The following ASCC3 variants were observed in gnomAD, a reference collection of about 807,000 sequenced individuals.
The protein encoded by ASCC3 is activating signal cointegrator 1 complex subunit 3, also known as ASC-1 complex subunit P200.
ASCC3 carries 158 observed loss-of-function variants against 256.3 expected under a neutral mutation model. That is an observed-to-expected ratio of 0.62 (90% CI 0.54 to 0.70). The LOEUF (loss-of-function observed/expected upper bound fraction) is 0.70, where lower values mean the gene tolerates loss of function less well. ASCC3 is among the 30% of genes least tolerant of loss of function. The pLI is 0.00. For synonymous variants in ASCC3, 948 were observed against 883.4 expected (o/e 1.07, Z -1.30); for missense variants, 2,259 against 2,626.0 (o/e 0.86, Z 3.05).
intron 36 of ASCC3, among the ~76,000 whole-genome samples, chr6:100,585,154 G>A (rs1022939833): frequency 1.3e-5 from 2 of 152,114 alleles, no homozygotes; most frequent in Non-Finnish European, 2.9e-5. Context: ...AAGTTCTCCT[G>A]GATAATATCC....
In ASCC3 at chr6:100,800,445, T is replaced by C. The variant is rs376498113; in HGVS notation, c.982A>G (p.Ile328Val). 1.1e-5 allele frequency: 18 copies of C among 1,612,548 alleles called. No individual in the cohort carries two copies. In the African/African-American group the frequency reaches 2.3e-4, roughly 20 times the overall value. Residue 328 changes from isoleucine to valine, a missense_variant, in exon 6 of 42, where the codon ATT (isoleucine) becomes GTT (valine). By Grantham distance (29) the Ile-to-Val change is conservative. Around this residue, in one of 2 missense-constraint regions of ASCC3, gnomAD observed 420 missense variants for 419.3 expected, o/e 1.00. Transcript: ENST00000369162. ...AKPNYGCQVT[I>V]QSEQEKQLMK... The stretch of plus-strand genomic sequence containing the variant: ...AACTGCTTTTCTTGTTCAGACTGAA[T>C]AGTGACTTGACAACCATAATTGGGT...
chr6:100,767,418 C>A (rs1300928169), intron 8 of ASCC3, 73 bp from the exon 9 acceptor site: 23 of 1,416,042 alleles, frequency 1.6e-5, no homozygotes, highest in Non-Finnish European at 2.1e-5. Context: ...TATGTGTTAA[C>A]ATTTATTTCC....
chr6:100,703,968 T>C (rs1255769881), intron 13 of ASCC3, among the ~76,000 whole-genome samples: 5 of 151,478 alleles, frequency 3.3e-5, no homozygotes, highest in Non-Finnish European at 7.4e-5. Context: ...ATCTTATATA[T>C]AGGAAAGTTT....
intron 25 of ASCC3, among the ~76,000 whole-genome samples, chr6:100,636,430 C>G (rs1047189300): frequency 6.6e-6 from 1 of 152,146 alleles, no homozygotes; most frequent in African/African-American, 2.4e-5. Context: ...GCCATTCCCC[C>G]ATCTCTTTCC....
At chr6:100,721,590 A>C (rs1330646805) in intron 11 of ASCC3, among the ~76,000 whole-genome samples, 1 of 151,702 alleles carries the variant, frequency 6.6e-6, no homozygotes, top group Non-Finnish European at 1.5e-5. Context: ...GATTTTAAAA[A>C]TTGCTCTTAA....
chr6:100,785,471 G>A (rs1036951380), intron 8 of ASCC3, among the ~76,000 whole-genome samples: 5 of 152,002 alleles, frequency 3.3e-5, no homozygotes, highest in African/African-American at 9.7e-5. Flanking sequence ...CATGATCATC[G>A]GCTCACTGCA....
At chr6:100,672,272 T>C (rs1776791463) in intron 14 of ASCC3, among the ~76,000 whole-genome samples, 1 of 152,096 alleles carries the variant, frequency 6.6e-6, no homozygotes, top group Admixed American at 6.6e-5. Flanking sequence ...CGTAAAGGGA[T>C]GACTACTTTT....
chr6:100,716,454 C>T (rs374078455), intron 12 of ASCC3, among the ~76,000 whole-genome samples: 24 of 151,966 alleles, frequency 1.6e-4, no homozygotes, highest in African/African-American at 5.1e-4. Context: ...GGATGAAAAG[C>T]ATCATGTACA....
intron 17 of ASCC3, among the ~76,000 whole-genome samples, chr6:100,653,183 T>C (rs1775753805): frequency 6.6e-6 from 1 of 152,172 alleles, no homozygotes; most frequent in Admixed American, 6.5e-5. Flanking sequence ...ATCACAAAGA[T>C]TAAAAATCAA....
intron 14 of ASCC3, among the ~76,000 whole-genome samples, chr6:100,664,036 CAGA>C (rs1189789556): frequency 2.0e-5 from 3 of 152,052 alleles, no homozygotes; most frequent in Admixed American, 6.6e-5. Context: ...AGTGCTGTAG[CAGA>C]AGGTCTTAAA....
rs774539272 is a variant in ASCC3, at chr6:100,650,654, T to A, written c.3136A>T (p.Thr1046Ser). The A allele has an allele frequency of 5.6e-6, 9 of 1,612,434 alleles. No homozygotes were observed. In the East Asian group the frequency reaches 2.0e-4, roughly 36 times the overall value. ...TAACTATTCTCTACACCTCCAGGAG[T>A]GGAGAGTTCACAAAAATTGCTTAAT... is the stretch of plus-strand genomic sequence containing the variant. ...TLLSNFCELS[T>S]PGGVENSYGK... Residue 1046 changes from threonine to serine, a missense_variant, in exon 20 of 42, where the codon ACT (threonine) becomes TCT (serine). By Grantham distance (58) the Thr-to-Ser change is moderately conservative (BLOSUM62 1). Around this residue, in one of 2 missense-constraint regions of ASCC3, gnomAD observed 1,839 missense variants for 2,206.7 expected, o/e 0.83. Transcript: ENST00000369162.
rs772530141 is a variant in ASCC3 at position 100,748,456 on chromosome 6, T to G, written c.1737+18109A>C. On this transcript the variant is annotated intron_variant, in intron 10 of 41. Coordinates refer to ENST00000369162, the MANE Select transcript of ASCC3 (RefSeq NM_006828.4). ...AGTAAAACAAGATACTGTTTTTGAA[T>G]ATTTTAGTCTTCTATAACTTGATGA... Among the ~76,000 whole-genome samples the G allele has an allele frequency of 3.0e-4, 45 of 152,078 alleles. 1 individual carries two copies. Among genetic ancestry groups the G allele is most frequent in the Non-Finnish European group, 2.1e-4 (14 of 67,940 alleles).
At chr6:100,717,439 T>A (rs956117255) in intron 12 of ASCC3, among the ~76,000 whole-genome samples, 2 of 152,018 alleles carry the variant, frequency 1.3e-5, no homozygotes, top group Admixed American at 6.6e-5. Flanking sequence ...AGGATGATAA[T>A]TGTTTAAATT....
At chr6:100,843,917 A>C (rs1378556787) in intron 4 of ASCC3, among the ~76,000 whole-genome samples, 1 of 151,906 alleles carries the variant, frequency 6.6e-6, no homozygotes, top group Non-Finnish European at 1.5e-5. Context: ...TATATGGTGC[A>C]AACACTTGAG....
chr6:100,606,599 G>A, intron 32 of ASCC3, 141 bp downstream of exon 32: 1 of 924,944 alleles, frequency 1.1e-6, no homozygotes, highest in East Asian at 2.7e-5. Flanking sequence ...AAAACAAAAA[G>A]TCTATAATTG....
chr6:100,581,414 A>G (rs1771251784), intron 36 of ASCC3, among the ~76,000 whole-genome samples: 1 of 151,764 alleles, frequency 6.6e-6, no homozygotes, highest in Non-Finnish European at 1.5e-5. Flanking sequence ...TCCTTCACCC[A>G]CTTTTTGATG....
intron 3 of ASCC3, chr6:100,859,022 A>C (rs1773092977): frequency 1.4e-6 from 1 of 718,410 alleles, no homozygotes; most frequent in African/African-American, 1.8e-5. Context: ...CTTTGTACTT[A>C]AGGTTTTTAA....
At chr6:100,713,476 A>G (rs1778948702) in intron 13 of ASCC3, among the ~76,000 whole-genome samples, 2 of 152,206 alleles carry the variant, frequency 1.3e-5, no homozygotes. Flanking sequence ...GTATGAAACT[A>G]TAATGGCAAA....
chr6:100,548,962 C>G (rs1294669672), intron 36 of ASCC3, among the ~76,000 whole-genome samples: 3 of 151,784 alleles, frequency 2.0e-5, no homozygotes, highest in Non-Finnish European at 2.9e-5. Flanking sequence ...AGATGAACAA[C>G]AATAACTAAT....
Sources: allele counts gnomAD v4.1 joint callset (sites outside exome capture counted in the v4.1 genomes callset), GRCh38; gene constraint gnomAD v4.1.1; regional missense constraint gnomAD v4.1.1; transcripts MANE v1.5; gene names NCBI Gene and HGNC (gene_info 2026-07-23, HGNC 2026-07-21).